The following TJP2 variants were observed in gnomAD, a reference collection of about 807,000 sequenced individuals.
TJP2 encodes the protein tight junction protein 2, also known as Friedreich ataxia region gene X104 (tight junction protein ZO-2).
TJP2 carries 91 observed loss-of-function variants against 133.1 expected under a neutral mutation model. The ratio of observed to expected loss-of-function variants is 0.68; its 90% CI spans 0.58 to 0.81. The LOEUF (loss-of-function observed/expected upper bound fraction) is 0.81. Among genes scored for constraint, TJP2 ranks in the 40% least tolerant of loss-of-function variants. The pLI is 0.00. For missense variants in TJP2, 1,541 were observed against 1,565.6 expected (o/e 0.98, Z 0.26); for synonymous variants, 592 against 583.4 (o/e 1.01, Z -0.21).
At chr9:69,222,556 C>T (rs1259189823) in intron 5 of TJP2, among the ~76,000 whole-genome samples, 2 of 152,158 alleles carry the variant, frequency 1.3e-5, no homozygotes, top group Admixed American at 1.3e-4. Context: ...CTCAGAACTA[C>T]CTCATGAGGG....
intron 2 of TJP2, among the ~76,000 whole-genome samples, chr9:69,214,511 G>T (rs1828198801): frequency 6.6e-6 from 1 of 152,146 alleles, no homozygotes; most frequent in South Asian, 2.1e-4. Flanking sequence ...ATGAAGAAAA[G>T]GGTTTAGTGC....
At chr9:69,229,068 T>C in intron 9 of TJP2, 116 bp from the exon 10 acceptor site, 1 of 936,608 alleles carries the variant, frequency 1.1e-6, no homozygotes, top group Non-Finnish European at 1.8e-6. Context: ...TTCTTTTTGT[T>C]TGTGGTGACA....
intron 1 of TJP2, chr9:69,151,541 A>G (rs992797216): frequency 3.5e-6 from 4 of 1,137,738 alleles, no homozygotes; most frequent in East Asian, 6.4e-5. Context: ...ACTAAAAGCC[A>G]TCCTAAAAAC....
chr9:69,163,939 T>G (rs1824220734), intron 2 of TJP2, among the ~76,000 whole-genome samples: 1 of 152,146 alleles, frequency 6.6e-6, no homozygotes, highest in Non-Finnish European at 1.5e-5. Context: ...CGCTGTCAGA[T>G]CCCAACGCCC....
At chr9:69,123,954 A>T (rs1296375584) in intron 1 of TJP2, among the ~76,000 whole-genome samples, 1 of 74,272 alleles carries the variant, frequency 1.3e-5, no homozygotes, top group Non-Finnish European at 3.1e-5. Flanking sequence ...TGCAAGCTCC[A>T]CCTCCCAGGT....
intron 1 of TJP2, among the ~76,000 whole-genome samples, chr9:69,184,135 G>C (rs1214998142): frequency 6.6e-6 from 1 of 152,136 alleles, no homozygotes; most frequent in Admixed American, 6.5e-5. Flanking sequence ...CTCATGTTCA[G>C]TTTTCTCAGT....
chr9:69,223,083 A>AG (rs1349285660), intron 5 of TJP2, among the ~76,000 whole-genome samples: 27 of 114,444 alleles, frequency 2.4e-4, no homozygotes, highest in Non-Finnish European at 1.1e-4. Context: ...AAAAAAAAAA[A>AG]AAAAAAAAGA....
At chr9:69,171,732 G>A (rs1205709814), upstream of TJP2, among the ~76,000 whole-genome samples, 1 of 149,836 alleles carries the variant, frequency 6.7e-6, no homozygotes, top group Non-Finnish European at 1.5e-5. Context: ...GCAGGATCCT[G>A]AGTATTTTAT....
intron 5 of TJP2, among the ~76,000 whole-genome samples, chr9:69,224,586 A>G (rs532516230): frequency 6.6e-6 from 1 of 152,296 alleles, no homozygotes; most frequent in Non-Finnish European, 1.5e-5. Flanking sequence ...CTGAGGCAGG[A>G]GAATCACTTG....
Position 69,126,160 on chromosome 9 carries a change from C to T in TJP2, c.-131+4435C>T, listed in dbSNP as rs1822293119. Among the ~76,000 whole-genome samples, 2 of 76,906 alleles carry T rather than the reference C, an allele frequency of 2.6e-5. 1 individual carries two copies. Among genetic ancestry groups the T allele is most frequent in the South Asian group, 7.2e-4 (2 of 2,786 alleles). The allele number at this position is 76,906 out of a possible 152,430, so 50.5% of individuals were successfully genotyped here. A position where few individuals can be genotyped will look rare whatever the true frequency, so the allele number is the denominator to read the frequency against. ...CCAGCAGTTATATTGAGATGTAATT[C>T]ATGACAAGCTATGTACAGTATTCAT... On this transcript the variant is annotated intron_variant, in intron 1 of 5. Transcript: ENST00000423935.
chr9:69,177,326 C>T (rs1202998798), intron 1 of TJP2, among the ~76,000 whole-genome samples: 60 of 152,070 alleles, frequency 3.9e-4, no homozygotes, highest in Non-Finnish European at 1.5e-5. Flanking sequence ...TTGTCTTGAT[C>T]CTAAATCCAA....
At chr9:69,226,926 G>A (rs1373534529) in intron 7 of TJP2, among the ~76,000 whole-genome samples, 1 of 152,204 alleles carries the variant, frequency 6.6e-6, no homozygotes, top group African/African-American at 2.4e-5. Flanking sequence ...TTAATTAGCA[G>A]TCTGCATCAC....
At chr9:69,222,616 G>T (rs944885737) in intron 5 of TJP2, among the ~76,000 whole-genome samples, 1 of 152,176 alleles carries the variant, frequency 6.6e-6, no homozygotes, top group Non-Finnish European at 1.5e-5. Flanking sequence ...GGCACAAAAG[G>T]TTCATTGATA....
intron 10 of TJP2, 34 bp from the exon 11 acceptor site, chr9:69,230,048 C>T (rs375301986): frequency 1.9e-6 from 3 of 1,613,098 alleles, no homozygotes; most frequent in Non-Finnish European, 2.5e-6. Flanking sequence ...AAAATATCTC[C>T]CATCTTTCCT....
chr9:69,221,302 A>G lies in TJP2; in HGVS notation c.758A>G (p.Tyr253Cys). The G allele has an allele frequency of 1.2e-6, 2 of 1,606,288 alleles. No homozygotes were observed. Among genetic ancestry groups the G allele is most frequent in the Non-Finnish European group, 1.7e-6 (2 of 1,176,770 alleles). The change falls in exon 5 of 23, where the codon TAT (tyrosine) becomes TGT (cysteine). Residue 253 changes from tyrosine to cysteine, a missense_variant. By Grantham distance (194) the Tyr-to-Cys change is radical. Transcript: ENST00000377245. ...RSIDQDYERA[Y>C]HRAYDPDYER... is the part of the protein sequence containing the mutation. ...ATTGACCAGGACTACGAGCGAGCCT[A>G]TCACCGGGCCTACGACCCAGACTAC... is the stretch of plus-strand genomic sequence containing the variant.
At chr9:69,204,900 C>T in intron 1 of TJP2, 1 of 1,246,172 alleles carries the variant, frequency 8.0e-7, no homozygotes, top group Non-Finnish European at 1.0e-6. Context: ...CTCTAGTTCC[C>T]TGGCAAGGGA....
chr9:69,176,277 A>C (rs751223303), intron 1 of TJP2, among the ~76,000 whole-genome samples: 57 of 152,300 alleles, frequency 3.7e-4, no homozygotes, highest in Admixed American at 1.3e-3. Context: ...GTCTGAATGA[A>C]ATGACAGAGA....
intron 1 of TJP2, among the ~76,000 whole-genome samples, chr9:69,132,008 A>C (rs540495882): frequency 6.6e-6 from 1 of 152,350 alleles, no homozygotes; most frequent in East Asian, 1.9e-4. Flanking sequence ...AGCGAAGTCC[A>C]AGGCAAGCAG....
At chr9:69,187,518 A>T (rs552639489) in intron 1 of TJP2, among the ~76,000 whole-genome samples, 76 of 152,358 alleles carry the variant, frequency 5.0e-4, no homozygotes, top group Admixed American at 1.8e-3. Context: ...TTTATCTTTC[A>T]GCAACATAAG....
Sources: gnomAD v4.1 joint callset for allele counts (sites outside exome capture counted in the v4.1 genomes callset) on GRCh38, gnomAD v4.1.1 for gene constraint, MANE v1.5 for transcripts, NCBI Gene and HGNC (gene_info 2026-07-23, HGNC 2026-07-21) for gene names.